DOCK7: variants seen among roughly 807,000 people sequenced by gnomAD.
The protein encoded by DOCK7 is dedicator of cytokinesis 7.
In DOCK7, 138 loss-of-function variants were observed where a neutral mutation model predicts 271.0. The ratio of observed to expected loss-of-function variants is 0.51; its 90% CI spans 0.44 to 0.59. The LOEUF (loss-of-function observed/expected upper bound fraction) is 0.59, where lower values mean the gene tolerates loss of function less well. Among genes scored for constraint, DOCK7 ranks in the 20% least tolerant of loss-of-function variants. The pLI is 0.00. For missense variants in DOCK7, 2,066 were observed against 2,592.4 expected (o/e 0.80, Z 4.41); for synonymous variants, 823 against 876.1 (o/e 0.94, Z 1.07).
chr1:62,575,729 T>G (rs956974776), intron 18 of DOCK7, among the ~76,000 whole-genome samples: 2 of 152,186 alleles, frequency 1.3e-5, no homozygotes, highest in African/African-American at 4.8e-5. Context: ...TTATTTCACA[T>G]ATCAAGCAGC....
intron 14 of DOCK7, among the ~76,000 whole-genome samples, chr1:62,594,040 A>G (rs1394607265): frequency 2.0e-5 from 3 of 152,152 alleles, no homozygotes; most frequent in Non-Finnish European, 4.4e-5. Context: ...TAGCTAAGAA[A>G]TTTTTATATT....
At chr1:62,621,243 G>T (rs1239531861) in intron 12 of DOCK7, among the ~76,000 whole-genome samples, 2 of 151,990 alleles carry the variant, frequency 1.3e-5, no homozygotes, top group Admixed American at 6.6e-5. Context: ...CTCATACTAA[G>T]GCCAGAAAGA....
At chr1:62,562,576 T>C (rs749631746) in intron 18 of DOCK7, among the ~76,000 whole-genome samples, 18 of 152,062 alleles carry the variant, frequency 1.2e-4, no homozygotes, top group Non-Finnish European at 2.5e-4. Flanking sequence ...AAAAATAACT[T>C]TTAAAAGTAC....
intron 40 of DOCK7, 125 bp from the exon 41 acceptor site, chr1:62,492,972 A>C: frequency 1.3e-6 from 1 of 745,120 alleles, no homozygotes; most frequent in Non-Finnish European, 2.1e-6. Context: ...GAGTGATATA[A>C]AGGTAAAAGA....
chr1:62,610,497 G>A (rs1299867270), intron 14 of DOCK7, among the ~76,000 whole-genome samples: 1 of 151,920 alleles, frequency 6.6e-6, no homozygotes, highest in Non-Finnish European at 1.5e-5. Flanking sequence ...TTTAAGTTCT[G>A]GGATACATGC....
chr1:62,501,490 A>C (rs1366441545), intron 37 of DOCK7, among the ~76,000 whole-genome samples: 1 of 152,206 alleles, frequency 6.6e-6, no homozygotes, highest in African/African-American at 2.4e-5. Flanking sequence ...GTAAACAGTA[A>C]GAAAGATAAT....
Position 62,475,907 on chromosome 1 carries a change from C to CA in DOCK7, c.5760dup (p.Asp1921Ter), listed in dbSNP as rs1272959003. 1 of 1,613,902 alleles carries CA rather than the reference C, an allele frequency of 6.2e-7. No homozygotes were observed. Among genetic ancestry groups the CA allele is most frequent in the Non-Finnish European group, 8.5e-7 (1 of 1,179,918 alleles). On this transcript the variant is annotated frameshift_variant, in exon 46 of 50. Transcript: ENST00000635253. LOFTEE classifies it high-confidence loss of function. The stretch of plus-strand genomic sequence containing the variant: ...ATTCTGTCCTTCATCTCATATGTGT[C>CA]AAAGTATGGCTCCACATAGGTAATC...
chr1:62,659,814 A>G (rs1005475504), intron 2 of DOCK7, among the ~76,000 whole-genome samples: 4 of 152,198 alleles, frequency 2.6e-5, no homozygotes, highest in Non-Finnish European at 5.9e-5. Flanking sequence ...AGAGAGGGAC[A>G]TTACCTTCAT....
chr1:62,531,387 T>A (rs143179770), intron 29 of DOCK7, among the ~76,000 whole-genome samples: 20 of 152,370 alleles, frequency 1.3e-4, no homozygotes, highest in African/African-American at 4.8e-4. Flanking sequence ...TTCTAGATGT[T>A]GAAGATAAAG....
chr1:62,571,246 T>C (rs867619037), intron 18 of DOCK7, among the ~76,000 whole-genome samples: 1 of 152,124 alleles, frequency 6.6e-6, no homozygotes, highest in African/African-American at 2.4e-5. Flanking sequence ...GCAAAGGACA[T>C]GATCAGAAAC....
At chr1:62,619,806 G>C (rs1652914759) in intron 13 of DOCK7, 94 bp downstream of exon 13, 1 of 661,590 alleles carries the variant, frequency 1.5e-6, no homozygotes. Context: ...GTCTGGGCCA[G>C]ATAAATAAAA....
chr1:62,614,326 G>A (rs778601634), intron 14 of DOCK7, among the ~76,000 whole-genome samples: 1 of 151,668 alleles, frequency 6.6e-6, no homozygotes, highest in Non-Finnish European at 1.5e-5. Flanking sequence ...TATGCTTAAG[G>A]TTTTTGTTTT....
intron 13 of DOCK7, among the ~76,000 whole-genome samples, chr1:62,619,351 G>C (rs1652844745): frequency 6.6e-6 from 1 of 152,126 alleles, no homozygotes; most frequent in Admixed American, 6.5e-5. Flanking sequence ...ACTCACTTTA[G>C]TATAGTAATT....
At chr1:62,653,223 A>G (rs1303565710) in intron 4 of DOCK7, among the ~76,000 whole-genome samples, 1 of 152,188 alleles carries the variant, frequency 6.6e-6, no homozygotes, top group East Asian at 1.9e-4. Context: ...TATTAGGAAA[A>G]TAAATTTTGG....
chr1:62,528,106 T>C (rs767150926), intron 31 of DOCK7, 45 bp downstream of exon 31: 2 of 1,572,480 alleles, frequency 1.3e-6, no homozygotes, highest in South Asian at 1.2e-5. Context: ...CTAGTAAATA[T>C]TTGTCTTTCT....
At chr1:62,510,114 A>C (rs139159509) in intron 34 of DOCK7, among the ~76,000 whole-genome samples, 1 of 152,352 alleles carries the variant, frequency 6.6e-6, no homozygotes, top group East Asian at 1.9e-4. Flanking sequence ...AGATTCATGT[A>C]AGTGTATTGT....
chr1:62,592,625 AG>A (rs1331694683), intron 14 of DOCK7, among the ~76,000 whole-genome samples: 2 of 152,194 alleles, frequency 1.3e-5, no homozygotes, highest in Non-Finnish European at 2.9e-5. Flanking sequence ...ACTTAAAAAG[AG>A]GGTAACAAGG....
At chr1:62,677,844 A>G (rs1660700013) in intron 1 of DOCK7, among the ~76,000 whole-genome samples, 1 of 152,258 alleles carries the variant, frequency 6.6e-6, no homozygotes, top group African/African-American at 2.4e-5. Context: ...AAATAAAACA[A>G]GGAAGGCCAG....
At chr1:62,628,651 A>T (rs1654239250) in intron 11 of DOCK7, 1 of 152,218 alleles carries the variant, frequency 6.6e-6, no homozygotes, top group East Asian at 1.9e-4. Context: ...TTTCTTAGAT[A>T]AAACACCAAA....
Sources: gnomAD v4.1 joint callset for allele counts (sites outside exome capture counted in the v4.1 genomes callset) on GRCh38, gnomAD v4.1.1 for gene constraint, MANE v1.5 for transcripts, NCBI Gene and HGNC (gene_info 2026-07-23, HGNC 2026-07-21) for gene names.